Variants in EXOSC9 observed in about 807,000 individuals in gnomAD.
EXOSC9 encodes the protein exosome complex component RRP45.
In EXOSC9, 38 loss-of-function variants were observed where a neutral mutation model predicts 56.5. The observed-to-expected ratio is 0.67, with a 90% CI of 0.52 to 0.88. EXOSC9 has a LOEUF of 0.88. Among genes scored for constraint, EXOSC9 ranks in the 40% least tolerant of loss-of-function variants. The pLI, the probability that EXOSC9 is intolerant of heterozygous loss-of-function variation, is 0.00. For missense variants in EXOSC9, 559 were observed against 530.5 expected (o/e 1.05, Z -0.53); for synonymous variants, 170 against 170.8 (o/e 0.99, Z 0.04).
intron 4 of EXOSC9, among the ~76,000 whole-genome samples, chr4:121,803,595 C>T (rs973933818): frequency 6.6e-6 from 1 of 152,056 alleles, no homozygotes; most frequent in Admixed American, 6.6e-5. Context: ...GGCTGGAGTG[C>T]AGTGGTGCAA....
At chr4:121,814,163 A>C in intron 10 of EXOSC9, 116 bp downstream of exon 10, 4 of 617,486 alleles carry the variant, frequency 6.5e-6, no homozygotes, top group Non-Finnish European at 1.1e-5. Flanking sequence ...GTATATAGTA[A>C]TATATAGCAT....
At chr4:121,801,598 G>C in intron 1 of EXOSC9, 108 bp downstream of exon 1, 1 of 1,048,332 alleles carries the variant, frequency 9.5e-7, no homozygotes, top group East Asian at 2.4e-5. Context: ...GGGAACGACC[G>C]GCACGTTCAC....
chr4:121,802,540 A>ATT, intron 2 of EXOSC9, 134 bp from the exon 3 acceptor site: 1 of 780,498 alleles, frequency 1.3e-6, no homozygotes, highest in Non-Finnish European at 2.0e-6. Context: ...TTTACATATA[A>ATT]TTTTTATCTC....
intron 2 of EXOSC9, 38 bp from the exon 3 acceptor site, chr4:121,802,636 G>T: frequency 3.1e-6 from 5 of 1,599,602 alleles, no homozygotes; most frequent in Non-Finnish European, 3.4e-6. Context: ...TGGAAGGAGA[G>T]TCTATTTGGT....
intron 8 of EXOSC9, among the ~76,000 whole-genome samples, chr4:121,811,962 G>A (rs1727224874): frequency 6.6e-6 from 1 of 152,216 alleles, no homozygotes; most frequent in South Asian, 2.1e-4. Flanking sequence ...TGTGTCACTT[G>A]CTCCTGTGCC....
Position 121,815,375 on chromosome 4 carries a change from T to C in EXOSC9, c.1157-994T>C, listed in dbSNP as rs569865771. On this transcript the variant is annotated intron_variant, in intron 10 of 11. Transcript: ENST00000243498. ...TGTATTCTTCTAACAGTGAATAATA[T>C]TTTCAACTGAATATAATGAAGGTGG... 4.1e-6 allele frequency: 4 copies of C among 980,588 alleles called. No individual in the cohort carries two copies. In the Admixed American group the frequency reaches 1.8e-4, roughly 45 times the overall value. The allele number at this position is 980,588 out of a possible 1,614,324, so 60.7% of individuals were successfully genotyped here.
Position 121,813,850 on chromosome 4 carries a change from T to C in EXOSC9, c.975-16T>C, listed in dbSNP as rs1185638955. On this transcript the variant is annotated splice_polypyrimidine_tract_variant and intron_variant, in intron 9 of 11. Transcript: ENST00000243498. Reference sequence around the variant, plus strand: ...ATAGCAATATTTTTGTTACTCAGTTTTCTTAACTTGTTAAGTGTTTCTACA... The same window carrying C: ...ATAGCAATATTTTTGTTACTCAGTTCTCTTAACTTGTTAAGTGTTTCTACA... 1 of 1,575,210 alleles carries C rather than the reference T, an allele frequency of 6.3e-7. No individual in the cohort carries two copies. Among genetic ancestry groups the C allele is most frequent in the Admixed American group, 1.8e-5 (1 of 55,944 alleles).
At chr4:121,816,169 G>C (rs1376436122) in intron 10 of EXOSC9, 200 bp from the exon 11 acceptor site, 1 of 651,156 alleles carries the variant, frequency 1.5e-6, no homozygotes, top group South Asian at 1.8e-5. Context: ...ATGTTGGCCA[G>C]ACTGGACTCG....
Position 121,814,024 on chromosome 4 carries a change from A to G in EXOSC9, c.1133A>G (p.Glu378Gly). 6.2e-7 allele frequency: 1 copy of G among 1,613,296 alleles called. No homozygotes were observed. The highest frequency in any genetic ancestry group is 8.5e-7 in the Non-Finnish European group (1 of 1,179,604). ...GGTATAAAAATGGACACTGGAGTAGAAGTCTCTGATATTGGAAGCCAAGGT... is the reference window on the plus strand; with the variant it reads ...GGTATAAAAATGGACACTGGAGTAGGAGTCTCTGATATTGGAAGCCAAGGT... ...LDGIKMDTGV[E>G]VSDIGSQDAP... Residue 378 changes from glutamate to glycine, a missense_variant, in exon 10 of 12, where the codon GAA (glutamate) becomes GGA (glycine). Transcript: ENST00000243498.
rs62322622 is a variant in EXOSC9, at chr4:121,816,351, A to G, written c.1157-18A>G. 36 of 1,343,982 alleles carry G rather than the reference A, an allele frequency of 2.7e-5. No homozygotes were observed. The highest frequency in any genetic ancestry group is 3.5e-5 in the Non-Finnish European group (34 of 984,354). The allele number at this position is 1,343,982 out of a possible 1,614,324, so 83.3% of individuals were successfully genotyped here. On this transcript the variant is annotated intron_variant, in intron 10 of 11. Coordinates refer to ENST00000243498, the MANE Select transcript of EXOSC9 (RefSeq NM_005033.3). ...GCTTAACTTTTTTTTTTTTTTTTAAATTAATAAAAAAACAAAGATGCTCCC... is the reference window on the plus strand; with the variant it reads ...GCTTAACTTTTTTTTTTTTTTTTAAGTTAATAAAAAAACAAAGATGCTCCC...
intron 8 of EXOSC9, 34 bp from the exon 9 acceptor site, chr4:121,813,200 C>T: frequency 6.3e-7 from 1 of 1,584,478 alleles, no homozygotes; most frequent in Non-Finnish European, 8.6e-7. Context: ...CCTTCCTCCC[C>T]CTTCCTTCCC....
chr4:121,804,643 C>G lies in EXOSC9; in HGVS notation c.406C>G (p.Leu136Val). ...TCAGGTTTGGCAAATACGTGTAGACCTACATTTATTAAATCATGATGGAAA... is the reference window on the plus strand; with the variant it reads ...TCAGGTTTGGCAAATACGTGTAGACGTACATTTATTAAATCATGATGGAAA... ...GEKVWQIRVD[L>V]HLLNHDGNII... is the part of the protein sequence containing the mutation. The change falls in exon 5 of 12, where the codon CTA (leucine) becomes GTA (valine). Residue 136 changes from leucine (L) to valine (V), a missense_variant. Leu to Val is a conservative substitution (Grantham distance 32). Coordinates refer to ENST00000243498, the MANE Select transcript of EXOSC9 (RefSeq NM_005033.3). 2.5e-6 allele frequency: 4 copies of G among 1,602,568 alleles called. No homozygotes were observed. Among genetic ancestry groups the G allele is most frequent in the Non-Finnish European group, 3.4e-6 (4 of 1,170,458 alleles).
chr4:121,806,386 G>A (rs144448131), intron 5 of EXOSC9, among the ~76,000 whole-genome samples: 130 of 150,816 alleles, frequency 8.6e-4, no homozygotes, highest in Non-Finnish European at 1.5e-3. Context: ...TCCCAACCTC[G>A]TCCACATCGG....
At chr4:121,803,115 G>C in intron 4 of EXOSC9, 98 bp downstream of exon 4, 1 of 835,136 alleles carries the variant, frequency 1.2e-6, no homozygotes, top group Non-Finnish European at 2.0e-6. Context: ...AGTTAACTCA[G>C]TATTGTACTG....
chr4:121,814,116 A>G (rs1406079264), intron 10 of EXOSC9, 69 bp downstream of exon 10: 4 of 934,238 alleles, frequency 4.3e-6, no homozygotes, highest in East Asian at 2.6e-5. Flanking sequence ...AGTTATATAT[A>G]TAATGCATAA....
intron 5 of EXOSC9, among the ~76,000 whole-genome samples, chr4:121,807,118 C>G (rs1030691236): frequency 3.3e-5 from 5 of 152,124 alleles, no homozygotes; most frequent in Admixed American, 6.5e-5. Flanking sequence ...CATGGAGAAA[C>G]CCCGTCTACT....
At chr4:121,807,930 T>C (rs982651882) in intron 6 of EXOSC9, 2 of 323,354 alleles carry the variant, frequency 6.2e-6, no homozygotes, top group African/African-American at 4.3e-5. Flanking sequence ...TTAAGAGAAT[T>C]ATATGCTAGG....
intron 7 of EXOSC9, 35 bp downstream of exon 7, chr4:121,810,134 G>C (rs980067696): frequency 1.3e-6 from 2 of 1,590,560 alleles, no homozygotes; most frequent in Non-Finnish European, 8.6e-7. Context: ...TTAATAATAG[G>C]TTGCTTCTCT....
chr4:121,802,050 A>AT (rs1726884808), intron 2 of EXOSC9, 129 bp downstream of exon 2: 7 of 678,202 alleles, frequency 1.0e-5, no homozygotes, highest in Middle Eastern at 3.2e-4. Flanking sequence ...AAAAATAAGT[A>AT]TTTTTTTATG....
Sources: allele counts gnomAD v4.1 joint callset (sites outside exome capture counted in the v4.1 genomes callset), GRCh38; gene constraint gnomAD v4.1.1; transcripts MANE v1.5; gene names NCBI Gene and HGNC (gene_info 2026-07-23, HGNC 2026-07-21).